The following DAPP1 variants were observed in gnomAD, a reference collection of about 807,000 sequenced individuals.
DAPP1 encodes dual adaptor of phosphotyrosine and 3-phosphoinositides 1, also known as dual adapter for phosphotyrosine and 3-phosphotyrosine and 3-phosphoinositide.
A neutral mutation model predicts 41.5 loss-of-function variants in DAPP1; 20 were observed. That is an observed-to-expected ratio of 0.48 (90% CI 0.34 to 0.70). The LOEUF is 0.70. Ranked by LOEUF, DAPP1 falls within the 30% of genes least tolerant of loss-of-function variation. The probability of loss-of-function intolerance (pLI) is 0.01; values close to 1 mark genes in which losing one functional copy is unlikely to be tolerated. For synonymous variants in DAPP1, 113 were observed against 116.2 expected, an observed-to-expected ratio of 0.97 and a Z score of 0.18; for missense variants, 233 against 333.4, an observed-to-expected ratio of 0.70 and a Z score of 2.35.
chr4:99,824,028 C>G (rs540304446), intron 1 of DAPP1, among the ~76,000 whole-genome samples: 14 of 152,164 alleles, frequency 9.2e-5, no homozygotes, highest in Non-Finnish European at 1.9e-4. Flanking sequence ...GTATAAATTT[C>G]TAAATTTTCC....
At chr4:99,841,705 A>G (rs1723501248) in intron 3 of DAPP1, among the ~76,000 whole-genome samples, 1 of 152,152 alleles carries the variant, frequency 6.6e-6, no homozygotes, top group African/African-American at 2.4e-5. Context: ...CATGTAGAGG[A>G]GATTTTTAAA....
chr4:99,820,996 A>T (rs2110132074), intron 1 of DAPP1, among the ~76,000 whole-genome samples: 1 of 152,344 alleles, frequency 6.6e-6, no homozygotes, highest in East Asian at 1.9e-4. Context: ...GATAATAAAC[A>T]AAATGAGTCC....
At chr4:99,826,890 T>C (rs2110136329) in intron 1 of DAPP1, among the ~76,000 whole-genome samples, 1 of 152,370 alleles carries the variant, frequency 6.6e-6, no homozygotes. Flanking sequence ...ATATTTACTG[T>C]CCATATCACT....
chr4:99,859,361 A>G (rs1364088607), intron 4 of DAPP1, among the ~76,000 whole-genome samples: 1 of 152,214 alleles, frequency 6.6e-6, no homozygotes, highest in Non-Finnish European at 1.5e-5. Context: ...GTACTCTAGA[A>G]ATCGACATCT....
intron 3 of DAPP1, among the ~76,000 whole-genome samples, chr4:99,848,518 C>T (rs745497805): frequency 1.3e-5 from 2 of 152,002 alleles, no homozygotes; most frequent in Non-Finnish European, 2.9e-5. Flanking sequence ...CATGGGCCAC[C>T]GCGCCCTGCC....
In DAPP1 at chr4:99,844,770, A is replaced by G. The variant is rs1723610220; in HGVS notation, c.358+4348A>G. On this transcript the variant is annotated intron_variant, in intron 3 of 8. Coordinates refer to ENST00000512369, the MANE Select transcript of DAPP1 (RefSeq NM_014395.3). ...CTCATCTGGTTTTTTGGTAAATGTC[A>G]AATCTCCATTTCTCTTTTTGTTTTG... The G allele has an allele frequency of 2.0e-5, 3 of 152,220 alleles. No individual in the cohort carries two copies. The South Asian group carries it at 6.2e-4, about 32-fold the overall frequency. 9.4% of individuals were successfully genotyped at this position (152,220 alleles called of 1,614,324 possible). A position where few individuals can be genotyped will look rare whatever the true frequency, so the allele number is the denominator to read the frequency against.
At chr4:99,866,309 A>T (rs150928198) in intron 8 of DAPP1, among the ~76,000 whole-genome samples, 188 bp downstream of exon 8, 43 of 152,212 alleles carry the variant, frequency 2.8e-4, no homozygotes, top group Middle Eastern at 3.4e-3. Flanking sequence ...ACAGGATTGT[A>T]AAAAAGAAAG....
At chr4:99,858,657 A>G (rs1440010777) in intron 4 of DAPP1, among the ~76,000 whole-genome samples, 1 of 152,214 alleles carries the variant, frequency 6.6e-6, no homozygotes, top group Non-Finnish European at 1.5e-5. Flanking sequence ...TTTAATCATT[A>G]CTATGATTGT....
intron 5 of DAPP1, 109 bp downstream of exon 5, chr4:99,861,734 T>G (rs1235629866): frequency 2.4e-6 from 3 of 1,248,804 alleles, no homozygotes; most frequent in Non-Finnish European, 3.4e-6. Context: ...TGCCTGCTCA[T>G]TTTAACCCAT....
chr4:99,853,493 A>G (rs747244412), intron 4 of DAPP1, 145 bp downstream of exon 4: 3 of 1,158,240 alleles, frequency 2.6e-6, no homozygotes, highest in South Asian at 1.6e-5. Context: ...TTTGAAGCCT[A>G]TGACTCAGTT....
intron 4 of DAPP1, among the ~76,000 whole-genome samples, chr4:99,860,533 A>T (rs538684771): frequency 6.6e-6 from 1 of 152,330 alleles, no homozygotes; most frequent in South Asian, 2.1e-4. Context: ...TTAAGTGAAC[A>T]TTTGGTTAGT....
At chr4:99,857,066 C>T (rs746911888) in intron 4 of DAPP1, among the ~76,000 whole-genome samples, 13 of 152,182 alleles carry the variant, frequency 8.5e-5, no homozygotes, top group Non-Finnish European at 1.9e-4. Flanking sequence ...TGACAAGAGA[C>T]CCGTGGAGAT....
chr4:99,853,610 C>A (rs1723945280), intron 4 of DAPP1, among the ~76,000 whole-genome samples: 1 of 152,062 alleles, frequency 6.6e-6, no homozygotes, highest in Admixed American at 6.5e-5. Flanking sequence ...TTGCTTGAGC[C>A]CAGGAGTTGG....
intron 4 of DAPP1, among the ~76,000 whole-genome samples, chr4:99,858,493 T>C (rs564132867): frequency 6.6e-6 from 1 of 152,304 alleles, no homozygotes; most frequent in East Asian, 1.9e-4. Flanking sequence ...ATTACTTAAG[T>C]GGTGTCTGCC....
chr4:99,827,271 C>T (rs1040628128), intron 1 of DAPP1, among the ~76,000 whole-genome samples: 7 of 151,958 alleles, frequency 4.6e-5, no homozygotes, highest in East Asian at 1.9e-4. Flanking sequence ...TGGCTGGGCG[C>T]GGTCTGTAAT....
intron 1 of DAPP1, among the ~76,000 whole-genome samples, chr4:99,820,817 C>T (rs188913494): frequency 1.3e-5 from 2 of 152,254 alleles, no homozygotes; most frequent in South Asian, 2.1e-4. Context: ...TCAAACAAAA[C>T]GTTATTTATA....
chr4:99,856,617 C>A (rs77679961), intron 4 of DAPP1, among the ~76,000 whole-genome samples: 1 of 152,086 alleles, frequency 6.6e-6, no homozygotes, highest in African/African-American at 2.4e-5. Context: ...CATTGCTTTG[C>A]GGCACTACTA....
At chr4:99,823,623 T>C (rs183384960) in intron 1 of DAPP1, among the ~76,000 whole-genome samples, 133 of 152,366 alleles carry the variant, frequency 8.7e-4, no homozygotes, top group Non-Finnish European at 1.5e-3. Context: ...TAGGTTGATC[T>C]AGATTCTGGA....
At chr4:99,831,151 A>G (rs986441756) in intron 1 of DAPP1, among the ~76,000 whole-genome samples, 2 of 152,118 alleles carry the variant, frequency 1.3e-5, no homozygotes, top group Non-Finnish European at 1.5e-5. Context: ...TGTTGTTGAT[A>G]TTTTATAGGG....
Sources: allele counts gnomAD v4.1 joint callset (sites outside exome capture counted in the v4.1 genomes callset), GRCh38; gene constraint gnomAD v4.1.1; transcripts MANE v1.5; gene names NCBI Gene and HGNC (gene_info 2026-07-23, HGNC 2026-07-21).